Variants in CD55 observed in about 807,000 individuals in gnomAD.
The protein encoded by CD55 is complement decay-accelerating factor.
In CD55, 41 loss-of-function variants were observed where a neutral mutation model predicts 45.8. That is an observed-to-expected ratio of 0.90 (90% CI 0.70 to 1.16). CD55 has a LOEUF of 1.16. Among genes scored for constraint, CD55 ranks in the 50% most tolerant of loss-of-function variants. The pLI is 0.00. For synonymous variants in CD55, 181 were observed against 181.1 expected (o/e 1.00, Z 0.01); for missense variants, 416 against 469.8 (o/e 0.89, Z 1.06).
At chr1:207,329,961 G>A (rs1654866927) in intron 5 of CD55, among the ~76,000 whole-genome samples, 1 of 152,116 alleles carries the variant, frequency 6.6e-6, no homozygotes, top group Non-Finnish European at 1.5e-5. Flanking sequence ...TAGTTCCCTA[G>A]CCCATCAGAA....
At chr1:207,333,979 G>A (rs1027337387) in intron 6 of CD55, among the ~76,000 whole-genome samples, 5 of 152,012 alleles carry the variant, frequency 3.3e-5, no homozygotes, top group African/African-American at 1.2e-4. Context: ...AATAGGAGCA[G>A]AAGAAATATT....
intron 9 of CD55, among the ~76,000 whole-genome samples, chr1:207,357,586 G>A (rs529082767): frequency 7.4e-4 from 111 of 150,294 alleles, no homozygotes; most frequent in Non-Finnish European, 1.3e-3. Flanking sequence ...GAGGGCGGGC[G>A]GGGGCAGGGC....
At chr1:207,358,479 A>G (rs1199747967) in intron 9 of CD55, 2 of 152,160 alleles carry the variant, frequency 1.3e-5, no homozygotes, top group Non-Finnish European at 2.9e-5. Flanking sequence ...CAGTTACATA[A>G]TTCAATTCAA....
intron 1 of CD55, among the ~76,000 whole-genome samples, 158 bp downstream of exon 1, chr1:207,322,023 A>T (rs1303315246): frequency 6.6e-6 from 1 of 152,202 alleles, no homozygotes; most frequent in South Asian, 2.1e-4. Flanking sequence ...CTCGCCGCTC[A>T]CCAGCATTTG....
In CD55 at chr1:207,359,583, G is replaced by A. The variant is rs758756333; in HGVS notation, c.1119G>A (p.Thr373=). Reference sequence around the variant, plus strand: ...TCACGTTGACAGGTTTGCTTGGGACGCTAGTAACCATGGGCTTGCTGACTT... The same window carrying A: ...TCACGTTGACAGGTTTGCTTGGGACACTAGTAACCATGGGCTTGCTGACTT... ...TCFTLTGLLG[T]LVTMGLLT The change falls in exon 10 of 10, where the codon ACG becomes ACA. Residue 373 remains threonine (T), a synonymous_variant. Transcript: ENST00000367064. The A allele has an allele frequency of 2.5e-6, 4 of 1,589,402 alleles. No homozygotes were observed. The highest frequency in any genetic ancestry group is 2.3e-5 in the South Asian group (2 of 87,910).
At chr1:207,339,673 G>T (rs1655335373) in intron 9 of CD55, among the ~76,000 whole-genome samples, 1 of 152,030 alleles carries the variant, frequency 6.6e-6, no homozygotes, top group South Asian at 2.1e-4. Context: ...TGGATTATTT[G>T]GAAGATAATC....
intron 2 of CD55, among the ~76,000 whole-genome samples, chr1:207,323,852 T>G (rs1654545522): frequency 6.6e-6 from 1 of 152,192 alleles, no homozygotes; most frequent in Non-Finnish European, 1.5e-5. Context: ...GCTCTTACAC[T>G]CTTTTTATGG....
At chr1:207,326,293 GT>G (rs1654678588) in intron 4 of CD55, among the ~76,000 whole-genome samples, 1 of 152,074 alleles carries the variant, frequency 6.6e-6, no homozygotes, top group African/African-American at 2.4e-5. Context: ...CTCTGTGTGT[GT>G]CCCTATTCTT....
chr1:207,353,060 T>TTG (rs1655935910), intron 9 of CD55, among the ~76,000 whole-genome samples: 1 of 145,434 alleles, frequency 6.9e-6, no homozygotes, highest in Non-Finnish European at 1.5e-5. Context: ...TTTTTTTTTT[T>TTG]TTTTTGGATG....
intron 6 of CD55, among the ~76,000 whole-genome samples, chr1:207,335,724 G>A (rs1330641915): frequency 6.6e-6 from 1 of 152,076 alleles, no homozygotes; most frequent in East Asian, 1.9e-4. Flanking sequence ...TAGGTTAGGA[G>A]GCAGAAAAAA....
intron 6 of CD55, among the ~76,000 whole-genome samples, chr1:207,332,982 G>A (rs1350566255): frequency 1.3e-5 from 2 of 152,236 alleles, no homozygotes; most frequent in South Asian, 2.1e-4. Flanking sequence ...AACCAGCAAA[G>A]CTTTAATGGT....
chr1:207,344,422 T>C (rs774779373), intron 9 of CD55, among the ~76,000 whole-genome samples: 2 of 152,174 alleles, frequency 1.3e-5, no homozygotes, highest in Non-Finnish European at 2.9e-5. Flanking sequence ...GGTGATGAAT[T>C]CCATCATGGT....
In CD55 at chr1:207,359,579, G is replaced by A. The variant is rs199553775; in HGVS notation, c.1115G>A (p.Gly372Glu). The change falls in exon 10 of 10, where the codon GGG becomes GAG. Residue 372 changes from glycine (G) to glutamate (E), a missense_variant. Coordinates refer to ENST00000367064, the MANE Select transcript of CD55 (RefSeq NM_000574.5). ...HTCFTLTGLLGTLVTMGLLT is the reference protein window; with the variant it reads ...HTCFTLTGLLETLVTMGLLT Reference sequence around the variant, plus strand: ...TGTTTCACGTTGACAGGTTTGCTTGGGACGCTAGTAACCATGGGCTTGCTG... The same window carrying A: ...TGTTTCACGTTGACAGGTTTGCTTGAGACGCTAGTAACCATGGGCTTGCTG... 1.9e-6 allele frequency: 3 copies of A among 1,579,780 alleles called. No homozygotes were observed. Among genetic ancestry groups the A allele is most frequent in the Admixed American group, 1.8e-5 (1 of 54,768 alleles).
At chr1:207,357,335 CAGTT>C (rs1441322924) in intron 9 of CD55, among the ~76,000 whole-genome samples, 1 of 151,972 alleles carries the variant, frequency 6.6e-6, no homozygotes, top group African/African-American at 2.4e-5. Flanking sequence ...CAAAAACTCA[CAGTT>C]AGTACTAAGT....
At chr1:207,348,878 G>A (rs1363278574) in intron 9 of CD55, among the ~76,000 whole-genome samples, 1 of 152,222 alleles carries the variant, frequency 6.6e-6, no homozygotes, top group South Asian at 2.1e-4. Context: ...GGTTGTAGGG[G>A]TGTGGCTTTA....
intron 9 of CD55, among the ~76,000 whole-genome samples, chr1:207,340,956 T>G (rs1655401496): frequency 6.6e-6 from 1 of 152,180 alleles, no homozygotes; most frequent in Admixed American, 6.5e-5. Context: ...CACCAGCGTC[T>G]GTTATTTTTT....
At chr1:207,337,905 G>A (rs1406598274) in intron 8 of CD55, among the ~76,000 whole-genome samples, 7 of 151,966 alleles carry the variant, frequency 4.6e-5, no homozygotes, top group South Asian at 4.2e-4. Flanking sequence ...CAAATAGTTC[G>A]TATTATTACA....
intron 1 of CD55, 46 bp from the exon 2 acceptor site, chr1:207,322,336 G>C (rs1452539813): frequency 6.6e-7 from 1 of 1,516,584 alleles, no homozygotes; most frequent in East Asian, 2.3e-5. Flanking sequence ...GCAACTGTGA[G>C]GACACTTGAT....
Position 207,321,722 on chromosome 1 carries a change from C to G in CD55, c.-44C>G. On this transcript the variant is annotated 5_prime_UTR_variant, in exon 1 of 10. Coordinates refer to ENST00000367064, the MANE Select transcript of CD55 (RefSeq NM_000574.5). Reference sequence around the variant, plus strand: ...CCGGCCGCTGGGCGTAGCTGCGACTCGGCGGAGTCCCGGCGGCGCGTCCTT... The same window carrying G: ...CCGGCCGCTGGGCGTAGCTGCGACTGGGCGGAGTCCCGGCGGCGCGTCCTT... The G allele has an allele frequency of 7.1e-7, 1 of 1,413,584 alleles. No homozygotes were observed. Among genetic ancestry groups the G allele is most frequent in the Non-Finnish European group, 9.4e-7 (1 of 1,066,640 alleles). 87.6% of individuals were successfully genotyped at this position (1,413,584 alleles called of 1,614,324 possible). A position where few individuals can be genotyped will look rare whatever the true frequency, so the allele number is the denominator to read the frequency against.
Sources: gnomAD v4.1 joint callset for allele counts (sites outside exome capture counted in the v4.1 genomes callset) on GRCh38, gnomAD v4.1.1 for gene constraint, MANE v1.5 for transcripts, NCBI Gene and HGNC (gene_info 2026-07-23, HGNC 2026-07-21) for gene names.